Variants in MAP1LC3A observed in about 807,000 individuals in gnomAD.
MAP1LC3A encodes microtubule associated protein 1 light chain 3 alpha, also known as microtubule-associated protein 1 light chain 3 alpha.
In MAP1LC3A, 10 loss-of-function variants were observed where a neutral mutation model predicts 15.2. The ratio of observed to expected loss-of-function variants is 0.66; its 90% CI spans 0.41 to 1.12. The LOEUF (loss-of-function observed/expected upper bound fraction) is 1.12, where lower values mean the gene tolerates loss of function less well. MAP1LC3A is among the 50% of genes most tolerant of loss of function. The probability of loss-of-function intolerance (pLI) is 0.00; values close to 1 mark genes in which losing one functional copy is unlikely to be tolerated. For synonymous variants in MAP1LC3A, 63 were observed against 64.3 expected (o/e 0.98, Z 0.10); for missense variants, 138 against 167.3 (o/e 0.82, Z 0.97).
intron 2 of MAP1LC3A, among the ~76,000 whole-genome samples, chr20:34,552,843 G>A (rs1981997930): frequency 6.6e-6 from 1 of 152,256 alleles, no homozygotes. Flanking sequence ...TGGACTGGGT[G>A]TGGAGCAGGA....
intron 1 of MAP1LC3A, among the ~76,000 whole-genome samples, chr20:34,548,763 T>C (rs1227243754): frequency 1.3e-5 from 2 of 151,380 alleles, no homozygotes; most frequent in African/African-American, 4.9e-5. Context: ...TGGAGTGCAA[T>C]GGCACAATCT....
chr20:34,550,404 T>G (rs528883837), intron 2 of MAP1LC3A, among the ~76,000 whole-genome samples: 226 of 152,180 alleles, frequency 1.5e-3, no homozygotes, highest in African/African-American at 4.7e-3. Context: ...GAGATGACTG[T>G]GGGGGCCTGG....
At chr20:34,549,023 T>C (rs1037675490) in intron 1 of MAP1LC3A, among the ~76,000 whole-genome samples, 2 of 144,134 alleles carry the variant, frequency 1.4e-5, no homozygotes, top group African/African-American at 5.2e-5. Context: ...GCTTTTTTGG[T>C]TGTGGTTTTT....
At chr20:34,555,299 C>T (rs891507311), upstream of MAP1LC3A, among the ~76,000 whole-genome samples, 18 of 152,046 alleles carry the variant, frequency 1.2e-4, no homozygotes, top group African/African-American at 4.1e-4. Flanking sequence ...AATGCACCAC[C>T]ACACCCAGCT....
In MAP1LC3A at chr20:34,558,957, G is replaced by T. The variant is rs1197200478; in HGVS notation, c.40+49G>T. On this transcript the variant is annotated intron_variant, in intron 1 of 3. Coordinates refer to ENST00000360668, the MANE Select transcript of MAP1LC3A (RefSeq NM_032514.4). The surrounding 1 kb of genome is among the most constrained non-coding windows in gnomAD (Gnocchi z 4.3). The stretch of plus-strand genomic sequence containing the variant: ...GAGCTCTGGGGCAGGGGTGCCGGCC[G>T]ACCCCGACTGCCGCAGGTGACGTCA... 3.0e-6 allele frequency: 4 copies of T among 1,348,394 alleles called. No individual in the cohort carries two copies. The East Asian group carries it at 9.4e-5, about 32-fold the overall frequency. 83.5% of individuals were successfully genotyped at this position (1,348,394 alleles called of 1,614,324 possible).
upstream of MAP1LC3A, chr20:34,558,614 T>C (rs543825854): frequency 3.9e-5 from 48 of 1,217,080 alleles, no homozygotes; most frequent in African/African-American, 6.1e-4. The surrounding 1 kb of genome is among the most constrained non-coding windows in gnomAD (Gnocchi z 4.3). Context: ...ACCCAGGCTC[T>C]CTGCGCCGTG....
chr20:34,550,007 T>C (rs199999856), exon 2 of MAP1LC3A: 3 of 1,614,192 alleles, frequency 1.9e-6, no homozygotes, highest in African/African-American at 1.3e-5. Flanking sequence ...GTTCTCCATG[T>C]GGAAAAGCAG....
chr20:34,548,892 T>C (rs1277791874), intron 1 of MAP1LC3A, among the ~76,000 whole-genome samples: 1 of 151,756 alleles, frequency 6.6e-6, no homozygotes, highest in African/African-American at 2.4e-5. Flanking sequence ...TTTTAGTAGA[T>C]ACAGGGTTTC....
At chr20:34,555,846 C>CTT (rs536070432), upstream of MAP1LC3A, among the ~76,000 whole-genome samples, 334 of 130,524 alleles carry the variant, frequency 2.6e-3, 2 homozygotes, top group African/African-American at 8.8e-3. Context: ...AGTTTTCTTT[C>CTT]TTTTTTTTTT....
At chr20:34,547,166 G>A (rs183540309) in intron 1 of MAP1LC3A, among the ~76,000 whole-genome samples, 6 of 152,244 alleles carry the variant, frequency 3.9e-5, no homozygotes, top group South Asian at 2.1e-4. Flanking sequence ...CTGGGGACGC[G>A]GGCGGGGAGT....
At chr20:34,548,002 G>A (rs1170690911) in intron 1 of MAP1LC3A, among the ~76,000 whole-genome samples, 1 of 152,122 alleles carries the variant, frequency 6.6e-6, no homozygotes, top group South Asian at 2.1e-4. Flanking sequence ...CTCTAGGGCA[G>A]ACGAGGGAGG....
chr20:34,558,396 G>A, upstream of MAP1LC3A: 1 of 989,534 alleles, frequency 1.0e-6, no homozygotes, highest in Non-Finnish European at 1.2e-6. The surrounding 1 kb of genome is among the most constrained non-coding windows in gnomAD (Gnocchi z 4.3). Flanking sequence ...GCCCAGAACC[G>A]CGTCAGTCCT....
At chr20:34,559,112 T>C in intron 1 of MAP1LC3A, 96 bp from the exon 2 acceptor site, 1 of 1,363,450 alleles carries the variant, frequency 7.3e-7, no homozygotes, top group Non-Finnish European at 9.5e-7. Flanking sequence ...GGGTGGGGGC[T>C]GGAGCTGGGG....
chr20:34,552,872 A>C (rs889599648), intron 2 of MAP1LC3A, among the ~76,000 whole-genome samples: 1 of 152,164 alleles, frequency 6.6e-6, no homozygotes. Context: ...AGGGGGTGGT[A>C]AAGGAAAGGA....
At chr20:34,550,782 A>G (rs1423573248) in intron 2 of MAP1LC3A, among the ~76,000 whole-genome samples, 7 of 152,204 alleles carry the variant, frequency 4.6e-5, no homozygotes, top group Non-Finnish European at 8.8e-5. Flanking sequence ...AAGTGAAACA[A>G]AAGAACATAT....
upstream of MAP1LC3A, chr20:34,558,165 T>C (rs1982230644): frequency 5.8e-5 from 57 of 978,022 alleles, no homozygotes; most frequent in Non-Finnish European, 6.8e-5. The surrounding 1 kb of genome is among the most constrained non-coding windows in gnomAD (Gnocchi z 4.3). Context: ...AGGTCCACGA[T>C]TTCTCTTCTG....
In MAP1LC3A at chr20:34,558,843, C is replaced by T; in HGVS notation, c.-26C>T. The T allele has an allele frequency of 7.0e-7, 1 of 1,433,576 alleles. No homozygotes were observed. The highest frequency in any genetic ancestry group is 1.4e-5 in the South Asian group (1 of 71,674). The allele number at this position is 1,433,576 out of a possible 1,614,324, so 88.8% of individuals were successfully genotyped here. A position where few individuals can be genotyped will look rare whatever the true frequency, so the allele number is the denominator to read the frequency against. ...ACATCCCCGCGCCCCAGAGCCCCGGCCTGCGCGCCCAGCCGGGCCCGCGCG... is the reference window on the plus strand; with the variant it reads ...ACATCCCCGCGCCCCAGAGCCCCGGTCTGCGCGCCCAGCCGGGCCCGCGCG... On this transcript the variant is annotated 5_prime_UTR_variant, in exon 1 of 4. Coordinates refer to ENST00000360668, the MANE Select transcript of MAP1LC3A (RefSeq NM_032514.4). The surrounding 1 kb of genome is among the most constrained non-coding windows in gnomAD (Gnocchi z 4.3).
At chr20:34,548,475 A>AGC (rs1981822111) in intron 1 of MAP1LC3A, among the ~76,000 whole-genome samples, 2 of 144,004 alleles carry the variant, frequency 1.4e-5, no homozygotes, top group African/African-American at 5.2e-5. Context: ...GAGAGGCCTG[A>AGC]GCACGCCCCT....
intron 2 of MAP1LC3A, among the ~76,000 whole-genome samples, chr20:34,552,687 G>T (rs926761725): frequency 2.6e-5 from 4 of 152,250 alleles, no homozygotes; most frequent in Admixed American, 2.0e-4. Flanking sequence ...AGGAGGCAAG[G>T]CCAGGGCAGG....
Sources: allele counts gnomAD v4.1 joint callset (sites outside exome capture counted in the v4.1 genomes callset), GRCh38; gene constraint gnomAD v4.1.1; non-coding constraint Gnocchi (gnomAD v3.1); transcripts MANE v1.5; gene names NCBI Gene and HGNC (gene_info 2026-07-23, HGNC 2026-07-21).